Variants in PTER observed in about 807,000 individuals in gnomAD.
The protein encoded by PTER is phosphotriesterase related, also known as N-acetyltaurine hydrolase.
A neutral mutation model predicts 29.6 loss-of-function variants in PTER; 38 were observed. The observed-to-expected ratio is 1.28, with a 90% CI of 0.99 to 1.68. The LOEUF (loss-of-function observed/expected upper bound fraction) is 1.68, where lower values mean the gene tolerates loss of function less well. PTER is among the 40% of genes most tolerant of loss of function. The pLI, the probability that PTER is intolerant of heterozygous loss-of-function variation, is 0.00. For synonymous variants in PTER, 172 were observed against 154.5 expected (o/e 1.11, Z -0.84); for missense variants, 482 against 427.8 (o/e 1.13, Z -1.12).
chr10:16,500,593 G>A (rs564785409), intron 3 of PTER, among the ~76,000 whole-genome samples: 34 of 152,284 alleles, frequency 2.2e-4, no homozygotes, highest in African/African-American at 7.5e-4. Context: ...TGAATCTTAT[G>A]GGACAGTGTT....
At chr10:16,481,951 A>G (rs921375245) in intron 1 of PTER, among the ~76,000 whole-genome samples, 1 of 152,178 alleles carries the variant, frequency 6.6e-6, no homozygotes, top group Non-Finnish European at 1.5e-5. Context: ...GCAAGGAATA[A>G]GACACTGAAC....
At chr10:16,470,949 C>T (rs77347449) in intron 1 of PTER, among the ~76,000 whole-genome samples, 3,655 of 152,174 alleles carry the variant, frequency 0.024, 149 homozygotes, top group African/African-American at 0.083. Context: ...ACAACACCCC[C>T]GCCTCCATTT....
At chr10:16,510,160 C>G (rs1321891162) in intron 4 of PTER, among the ~76,000 whole-genome samples, 2 of 152,186 alleles carry the variant, frequency 1.3e-5, no homozygotes, top group African/African-American at 4.8e-5. Context: ...CTTCTACCAT[C>G]AAAGACCCAT....
At chr10:16,506,423 G>A (rs1017425581) in intron 4 of PTER, among the ~76,000 whole-genome samples, 7 of 152,166 alleles carry the variant, frequency 4.6e-5, no homozygotes, top group African/African-American at 1.7e-4. Context: ...CAGGGAAGTG[G>A]TGCCCATTCC....
chr10:16,495,103 CA>C (rs1836042325), intron 3 of PTER, among the ~76,000 whole-genome samples: 1 of 148,176 alleles, frequency 6.7e-6, no homozygotes, highest in Non-Finnish European at 1.5e-5. Flanking sequence ...CATAGCTGTA[CA>C]AATATTCATT....
chr10:16,514,935 C>G (rs1305600892), downstream of PTER, among the ~76,000 whole-genome samples: 1 of 152,122 alleles, frequency 6.6e-6, no homozygotes, highest in East Asian at 1.9e-4. Context: ...GGGGACCATT[C>G]TGGCAGTCTT....
downstream of PTER, among the ~76,000 whole-genome samples, chr10:16,517,808 T>C (rs964383333): frequency 7.9e-5 from 12 of 152,234 alleles, no homozygotes; most frequent in African/African-American, 2.9e-4. Context: ...TAATTGCTAC[T>C]GATGTTCTCG....
intron 1 of PTER, among the ~76,000 whole-genome samples, chr10:16,456,161 G>A (rs1291499111): frequency 3.3e-5 from 5 of 152,152 alleles, no homozygotes; most frequent in Admixed American, 6.5e-5. Context: ...GTTCACCTGT[G>A]TTTTGAGACT....
rs1259370583 is a variant in PTER, at chr10:16,513,330, C to T, written c.*2074C>T. ...GTGCATGTTTGTGTGTGTATATATGCATACACTTTTTTATATTAAAATTTT... is the reference window on the plus strand; with the variant it reads ...GTGCATGTTTGTGTGTGTATATATGTATACACTTTTTTATATTAAAATTTT... On this transcript the variant is annotated 3_prime_UTR_variant, in exon 5 of 5. Coordinates refer to ENST00000535784, the MANE Select transcript of PTER (RefSeq NM_001261836.2). The T allele has an allele frequency of 2.0e-5, 3 of 152,422 alleles. No individual in the cohort carries two copies. Among genetic ancestry groups the T allele is most frequent in the African/African-American group, 7.2e-5 (3 of 41,386 alleles). 9.4% of individuals were successfully genotyped at this position (152,422 alleles called of 1,614,324 possible).
intron 3 of PTER, among the ~76,000 whole-genome samples, chr10:16,503,955 G>A (rs189629840): frequency 5.9e-4 from 90 of 152,278 alleles, no homozygotes; most frequent in Non-Finnish European, 2.4e-4. Context: ...GCCAATTTCC[G>A]ATCCGAAACG....
intron 1 of PTER, among the ~76,000 whole-genome samples, chr10:16,441,136 G>A (rs1056363363): frequency 8.5e-5 from 13 of 152,164 alleles, no homozygotes; most frequent in African/African-American, 2.9e-4. Context: ...GTGTAAAATA[G>A]GTAAAGGCTG....
chr10:16,448,004 T>C (rs1378446220), intron 1 of PTER, among the ~76,000 whole-genome samples: 3 of 152,166 alleles, frequency 2.0e-5, no homozygotes, highest in Admixed American at 2.0e-4. Flanking sequence ...TACTTTCTGG[T>C]TGGATGGGTC....
intron 3 of PTER, among the ~76,000 whole-genome samples, chr10:16,498,469 G>C (rs530783582): frequency 6.6e-6 from 1 of 152,274 alleles, no homozygotes; most frequent in South Asian, 2.1e-4. Context: ...TGTAATCCCA[G>C]CTACTCGGGA....
At chr10:16,457,069 A>G (rs1834428975) in intron 1 of PTER, among the ~76,000 whole-genome samples, 1 of 152,146 alleles carries the variant, frequency 6.6e-6, no homozygotes, top group African/African-American at 2.4e-5. Context: ...TGTCTTTATC[A>G]GCAGCATGAA....
intron 2 of PTER, among the ~76,000 whole-genome samples, chr10:16,485,526 T>C (rs528648881): frequency 9.8e-5 from 15 of 152,340 alleles, no homozygotes; most frequent in Admixed American, 2.0e-4. Context: ...ATGACAGGCA[T>C]AGGGTGTCAG....
intron 1 of PTER, among the ~76,000 whole-genome samples, chr10:16,462,072 G>A (rs1834632501): frequency 6.6e-6 from 1 of 150,520 alleles, no homozygotes; most frequent in Non-Finnish European, 1.5e-5. Flanking sequence ...TGCAACCTCT[G>A]CCTCCCGGGT....
intron 1 of PTER, among the ~76,000 whole-genome samples, chr10:16,442,157 TG>T (rs1222555561): frequency 6.6e-6 from 1 of 152,250 alleles, no homozygotes; most frequent in Non-Finnish European, 1.5e-5. Flanking sequence ...ACAAAATCCT[TG>T]GTGTTACTGT....
intron 1 of PTER, among the ~76,000 whole-genome samples, chr10:16,470,875 CT>C (rs941420626): frequency 2.3e-4 from 35 of 148,958 alleles, no homozygotes; most frequent in East Asian, 5.8e-4. Flanking sequence ...GTTCTTGATT[CT>C]TTTTTTTTTA....
chr10:16,450,616 G>T (rs1834170802), intron 1 of PTER, among the ~76,000 whole-genome samples: 1 of 152,114 alleles, frequency 6.6e-6, no homozygotes, highest in African/African-American at 2.4e-5. Context: ...CATGATAAAA[G>T]CTTGTGTCTG....
Sources: gnomAD v4.1 joint callset for allele counts (sites outside exome capture counted in the v4.1 genomes callset) on GRCh38, gnomAD v4.1.1 for gene constraint, MANE v1.5 for transcripts, NCBI Gene and HGNC (gene_info 2026-07-23, HGNC 2026-07-21) for gene names.